Variants in TMC4 observed in about 807,000 individuals in gnomAD.
TMC4 encodes the protein voltage-gated chloride channel TMC4.
Under a neutral mutation model 82.0 loss-of-function variants are expected in TMC4, and 70 were observed. The ratio of observed to expected loss-of-function variants is 0.85; its 90% CI spans 0.70 to 1.04. The LOEUF (loss-of-function observed/expected upper bound fraction) is 1.04. Among genes scored for constraint, TMC4 ranks in the 50% least tolerant of loss-of-function variants. TMC4 has a pLI of 0.00. For synonymous variants in TMC4, 446 were observed against 406.0 expected (o/e 1.10, Z -1.18); for missense variants, 879 against 899.0 (o/e 0.98, Z 0.28).
chr19:54,162,812 G>A, intron 9 of TMC4, 42 bp from the exon 10 acceptor site: 1 of 1,574,164 alleles, frequency 6.4e-7, no homozygotes, highest in Non-Finnish European at 8.7e-7. Context: ...TCGGGACCCG[G>A]GCACCTGGAG....
chr19:54,168,793 C>CTTTCTTTTT lies in TMC4; in HGVS notation c.443-114_443-113insAAAAAGAAA. The CTTTCTTTTT allele has an allele frequency of 2.2e-5, 2 of 91,960 alleles. 1 individual carries two copies. The highest frequency in any genetic ancestry group is 7.6e-4 in the Admixed American group (2 of 2,622). 5.7% of individuals were successfully genotyped at this position (91,960 alleles called of 1,614,324 possible). Reference sequence around the variant, plus strand: ...TTCCTTTCTTTCTTTCTTTTCTTTTCTTTCTTTTCTTTTCTTTTCTTTTCT... The same window carrying CTTTCTTTTT: ...TTCCTTTCTTTCTTTCTTTTCTTTTCTTTCTTTTTTTTCTTTTCTTTTCTTTTCTTTTCT... On this transcript the variant is annotated intron_variant, in intron 3 of 14. Coordinates refer to ENST00000619895, the MANE Select transcript of TMC4 (RefSeq NM_144686.4).
chr19:54,169,535 G>A lies in TMC4; in HGVS notation c.419C>T (p.Ala140Val), dbSNP rs1193886083. 7 of 1,612,678 alleles carry A rather than the reference G, an allele frequency of 4.3e-6. No homozygotes were observed. Among genetic ancestry groups the A allele is most frequent in the East Asian group, 4.5e-5 (2 of 44,778 alleles). Residue 140 changes from alanine (A) to valine (V), a missense_variant, in exon 3 of 15, where the codon GCG (alanine) becomes GTG (valine). Transcript: ENST00000619895. ...ACCCCCGATCCTCTTCAGTGTCCAC[G>A]CCCAGGGCTGCAGGCTTCGCAAGCC... ...KEGLRSLQPW[A>V]WTLKRIGGQF... is the part of the protein sequence containing the mutation.
Position 54,168,258 on chromosome 19 carries a change from A to T in TMC4, c.710T>A (p.Phe237Tyr). The T allele has an allele frequency of 6.4e-7, 1 of 1,558,796 alleles. No homozygotes were observed. The highest frequency in any genetic ancestry group is 8.7e-7 in the Non-Finnish European group (1 of 1,150,822). ...CGCCAGGCGTGGGCGGGGCGGGTAG[A>T]AGCCATAGAAGAGAGGGGACCATTC... ...YLEWSPLFYGFYPPRPRLAVT... is the reference protein window; with the variant it reads ...YLEWSPLFYGYYPPRPRLAVT... Residue 237 changes from phenylalanine to tyrosine, a missense_variant, in exon 5 of 15, where the codon TTC (phenylalanine) becomes TAC (tyrosine). By Grantham distance (22) the Phe-to-Tyr change is conservative. Transcript: ENST00000619895.
rs7256106 is a variant in TMC4, at chr19:54,162,413, C to G, written c.1503-128G>C. ...GTGGGGGGGGGGGGGGCGGGACTTT[C>G]AGGACTCCACGTGGAGGGGGTGTGT... On this transcript the variant is annotated intron_variant, in intron 10 of 14. Transcript: ENST00000619895. The G allele has an allele frequency of 2.3e-5, 16 of 709,258 alleles. No homozygotes were observed. In the African/African-American group the frequency reaches 3.1e-4, roughly 14 times the overall value. The allele number at this position is 709,258 out of a possible 1,614,324, so 43.9% of individuals were successfully genotyped here.
chr19:54,165,169 A>G (rs2075670897), intron 6 of TMC4, among the ~76,000 whole-genome samples: 1 of 151,030 alleles, frequency 6.6e-6, no homozygotes, highest in African/African-American at 2.4e-5. Flanking sequence ...CGGTCTCCCA[A>G]AGTGCTGGGG....
rs774048409 is a variant in TMC4, at chr19:54,161,003, G to T, written c.1848C>A (p.Phe616Leu). 6.2e-7 allele frequency: 1 copy of T among 1,614,068 alleles called. No individual in the cohort carries two copies. Among genetic ancestry groups the T allele is most frequent in the Non-Finnish European group, 8.5e-7 (1 of 1,180,042 alleles). ...GGGCCCAGATGGACGACTGCCCCCGGAATGGACCACACAGCTTAGAAGGCG... is the reference window on the plus strand; with the variant it reads ...GGGCCCAGATGGACGACTGCCCCCGTAATGGACCACACAGCTTAGAAGGCG... Reference protein sequence around the residue: ...LIPPSKLCGPFRGQSSIWAQI... With the variant: ...LIPPSKLCGPLRGQSSIWAQI... Residue 616 changes from phenylalanine (F) to leucine (L), a missense_variant, in exon 13 of 15, where the codon TTC (phenylalanine) becomes TTA (leucine). Transcript: ENST00000619895.
intron 2 of TMC4, among the ~76,000 whole-genome samples, chr19:54,171,215 T>C (rs1005989107): frequency 7.5e-6 from 1 of 133,262 alleles, no homozygotes; most frequent in African/African-American, 2.8e-5. Context: ...TTCAAGCGAT[T>C]CTCCTGCTTC....
rs530012185 is a variant in TMC4 at position 54,166,385 on chromosome 19, G to C, written c.798-819C>G. On this transcript the variant is annotated intron_variant, in intron 5 of 14. Transcript: ENST00000619895. ...CGGGCAGGTAAAGAGACTCAAGAGAGGGGGGCAAAGACCCAGGAAGGAGAT... is the reference window on the plus strand; with the variant it reads ...CGGGCAGGTAAAGAGACTCAAGAGACGGGGGCAAAGACCCAGGAAGGAGAT... Among the ~76,000 whole-genome samples, 65 of 151,392 alleles carry C rather than the reference G, an allele frequency of 4.3e-4. No individual in the cohort carries two copies. In the Middle Eastern group the frequency reaches 0.014, roughly 33 times the overall value.
chr19:54,163,250 T>G (rs1385311821), intron 8 of TMC4, 91 bp from the exon 9 acceptor site: 8 of 1,491,592 alleles, frequency 5.4e-6, no homozygotes, highest in Non-Finnish European at 7.3e-6. Flanking sequence ...ATTCAACCCA[T>G]CTCACAGATG....
chr19:54,163,768 C>G lies in TMC4; in HGVS notation c.1233G>C (p.Leu411=). The part of the protein sequence containing the change: ...LPPVFKLIAP[L]EGYTRSRQIV... ...TCTGGCGACTCCGAGTGTAGCCCTC[C>G]AGTGGAGCAATGAGCTTGAACACGG... Residue 411 remains leucine (L), a synonymous_variant, in exon 8 of 15, where the codon CTG becomes CTC. Transcript: ENST00000619895. 1 of 1,614,080 alleles carries G rather than the reference C, an allele frequency of 6.2e-7. No individual in the cohort carries two copies. The highest frequency in any genetic ancestry group is 1.1e-5 in the South Asian group (1 of 91,080).
Position 54,164,534 on chromosome 19 carries a change from A to G in TMC4, c.1013T>C (p.Val338Ala), listed in dbSNP as rs565366367. The change falls in exon 7 of 15, where the codon GTT (valine) becomes GCT (alanine). Residue 338 changes from valine (V) to alanine (A), a missense_variant. Transcript: ENST00000619895. ...GTTGAGCAGCACCCGCACCAACCAA[A>G]CCCTGGCTTGCTGGCCCAGCGTCCG... ...AVRTLGQQAR[V>A]WLVRVLLNLL... The G allele has an allele frequency of 6.2e-7, 1 of 1,613,348 alleles. No homozygotes were observed. Among genetic ancestry groups the G allele is most frequent in the African/African-American group, 1.3e-5 (1 of 74,722 alleles).
intron 5 of TMC4, among the ~76,000 whole-genome samples, chr19:54,167,112 T>A (rs10405024): frequency 0.043 from 6,455 of 151,494 alleles, 338 homozygotes; most frequent in African/African-American, 0.12. Context: ...AAAAAAAAAT[T>A]TTTAGCAAGA....
Position 54,162,478 on chromosome 19 carries a change from TCG to T in TMC4, c.1502+193_1502+194del, listed in dbSNP as rs370644504. ...CTGAGGACTAGAAGGGACCCAGATG[TCG>T]CCGCCGTCGGGGCCAGAGGGAAGTA... On this transcript the variant is annotated intron_variant, in intron 10 of 14. Transcript: ENST00000619895. 2.5e-4 allele frequency among the ~76,000 whole-genome samples: 37 copies of T among 149,978 alleles called. No individual in the cohort carries two copies. The East Asian group carries it at 5.2e-3, about 21-fold the overall frequency.
chr19:54,172,266 C>A (rs12972056), intron 1 of TMC4, among the ~76,000 whole-genome samples, 183 bp from the exon 2 acceptor site: 60 of 6,972 alleles, frequency 8.6e-3, no homozygotes, highest in Non-Finnish European at 0.011. Context: ...ACCCAGGAGT[C>A]CAGGCCCCCG....
In TMC4 at chr19:54,168,653, T is replaced by C. The variant is rs114374694; in HGVS notation, c.470A>G (p.Tyr157Cys). 5.9e-5 allele frequency: 92 copies of C among 1,564,104 alleles called. 1 individual carries two copies. In the East Asian group the frequency reaches 1.2e-3, roughly 20 times the overall value. ...GGQFGAGTES[Y>C]FSLLRFLLLL... ...GAGCAGGAAGCGCAGCAGGGAGAAG[T>C]AGGACTCCGTGCCGGCGCCAAACTG... Residue 157 changes from tyrosine to cysteine, a missense_variant, in exon 4 of 15, where the codon TAC (tyrosine) becomes TGC (cysteine). Tyr to Cys is a radical substitution (Grantham distance 194). Coordinates refer to ENST00000619895, the MANE Select transcript of TMC4 (RefSeq NM_144686.4).
intron 10 of TMC4, 97 bp from the exon 11 acceptor site, chr19:54,162,382 TTGGTGG>T (rs1354724632): frequency 2.3e-6 from 1 of 436,720 alleles, no homozygotes; most frequent in East Asian, 4.4e-5. Flanking sequence ...AGCATGCGTA[TTGGTGG>T]TGGGGGGGGG....
At chr19:54,163,660 C>A (rs1344903406) in intron 8 of TMC4, 64 bp downstream of exon 8, 1 of 1,569,002 alleles carries the variant, frequency 6.4e-7, no homozygotes. Flanking sequence ...TACCTGTCAG[C>A]GCCAACATCC....
intron 5 of TMC4, among the ~76,000 whole-genome samples, chr19:54,165,984 T>C (rs1479287317): frequency 1.3e-5 from 2 of 148,610 alleles, no homozygotes; most frequent in Non-Finnish European, 3.0e-5. Context: ...AAGATGGGGG[T>C]CAAAGACCCA....
chr19:54,162,699 G>A lies in TMC4; in HGVS notation c.1476C>T (p.Val492=), dbSNP rs755872897. The part of the protein sequence containing the change: ...LLFDLLTVLA[V]ALLIQFPRKL... ...TTCTAGGAAACTGGATGAGCAGCGC[G>A]ACTGCCAAGACAGTCAGCAGATCAA... is the stretch of plus-strand genomic sequence containing the variant. The change falls in exon 10 of 15, where the codon GTC becomes GTT. Residue 492 remains valine (V), a synonymous_variant. Transcript: ENST00000619895. 40 of 1,613,960 alleles carry A rather than the reference G, an allele frequency of 2.5e-5. 1 individual carries two copies. In the South Asian group the frequency reaches 3.7e-4, roughly 15 times the overall value.
Sources: allele counts gnomAD v4.1 joint callset (sites outside exome capture counted in the v4.1 genomes callset), GRCh38; gene constraint gnomAD v4.1.1; transcripts MANE v1.5; gene names NCBI Gene and HGNC (gene_info 2026-07-23, HGNC 2026-07-21).